The following COL6A5 variants were observed in gnomAD, a reference collection of about 807,000 sequenced individuals.
The protein encoded by COL6A5 is collagen type VI alpha 5 chain.
A neutral mutation model predicts 65.6 loss-of-function variants in COL6A5; 48 were observed. The ratio of observed to expected loss-of-function variants is 0.73; its 90% CI spans 0.58 to 0.93. The LOEUF (loss-of-function observed/expected upper bound fraction) is 0.93. COL6A5 is among the 40% of genes least tolerant of loss of function. The pLI, the probability that COL6A5 is intolerant of heterozygous loss-of-function variation, is 0.00. For missense variants in COL6A5, 914 were observed against 928.3 expected, an observed-to-expected ratio of 0.98 and a Z score of 0.20; for synonymous variants, 291 against 322.8, an observed-to-expected ratio of 0.90 and a Z score of 1.05.
intron 10 of COL6A5, among the ~76,000 whole-genome samples, chr3:130,400,735 G>A (rs1263669098): frequency 6.6e-6 from 1 of 152,228 alleles, no homozygotes; most frequent in Non-Finnish European, 1.5e-5. Context: ...GTGGTAAGAT[G>A]TGGAACACAG....
At position 130,414,197 on chromosome 3, in the gene COL6A5, G is replaced by A. The variant is rs571468467; in HGVS notation, c.4761+66G>A. 1.3e-4 allele frequency: 163 copies of A among 1,216,864 alleles called. No individual in the cohort carries two copies. The African/African-American group carries it at 2.3e-3, about 17-fold the overall frequency. 75.4% of individuals were successfully genotyped at this position (1,216,864 alleles called of 1,614,324 possible). A position where few individuals can be genotyped will look rare whatever the true frequency, so the allele number is the denominator to read the frequency against. The stretch of plus-strand genomic sequence containing the variant: ...AGTTATTCTGATGGGAAGAAGGCAG[G>A]TATTTCTGTATAAAAATAAATAACT... On this transcript the variant is annotated intron_variant and NMD_transcript_variant, in intron 22 of 41. Transcript: ENST00000312481.
intron 5 of COL6A5, among the ~76,000 whole-genome samples, chr3:130,462,447 T>C (rs1256925094): frequency 6.6e-6 from 1 of 152,150 alleles, no homozygotes; most frequent in African/African-American, 2.4e-5. Context: ...TAATATACTG[T>C]CATGGGAAGG....
intron 7 of COL6A5, 110 bp downstream of exon 39, chr3:130,471,077 TGTG>T (rs1559920399): frequency 3.8e-5 from 24 of 639,682 alleles, no homozygotes; most frequent in African/African-American, 3.5e-4. Context: ...TGTGTTTTTG[TGTG>T]TGTGTGTGTG....
At chr3:130,426,794 A>G (rs1216663537), upstream of COL6A5, among the ~76,000 whole-genome samples, 5 of 151,896 alleles carry the variant, frequency 3.3e-5, no homozygotes, top group African/African-American at 4.8e-5. Context: ...GGATGTTTGC[A>G]TGGGGGTAAC....
intron 1 of COL6A5, among the ~76,000 whole-genome samples, chr3:130,354,950 G>A (rs1240642140): frequency 6.6e-6 from 1 of 152,020 alleles, no homozygotes; most frequent in East Asian, 1.9e-4. Context: ...TATTAATAAA[G>A]TAAAATATCT....
chr3:130,410,868 T>C (rs1937153223), intron 20 of COL6A5, among the ~76,000 whole-genome samples: 1 of 152,200 alleles, frequency 6.6e-6, no homozygotes, highest in South Asian at 2.1e-4. Flanking sequence ...TCACCCCTGG[T>C]TGAAACGACT....
chr3:130,349,793 C>A (rs984666399), intron 1 of COL6A5, among the ~76,000 whole-genome samples: 2 of 152,166 alleles, frequency 1.3e-5, no homozygotes, highest in African/African-American at 4.8e-5. Context: ...GACTCAAAAA[C>A]AGTGGCTTAA....
exon 8 of COL6A5, chr3:130,484,322 T>C: frequency 2.0e-6 from 1 of 492,640 alleles, no homozygotes; most frequent in Non-Finnish European, 3.5e-6. Flanking sequence ...AGAGTTAACT[T>C]TTCTTTGAAA....
chr3:130,443,018 T>C (rs929205068), intron 3 of COL6A5, among the ~76,000 whole-genome samples: 1 of 152,188 alleles, frequency 6.6e-6, no homozygotes, highest in Non-Finnish European at 1.5e-5. Context: ...TAAAATCTTG[T>C]CTATGATTCT....
chr3:130,405,470 T>C, intron 13 of COL6A5, 118 bp from the exon 14 acceptor site: 1 of 615,646 alleles, frequency 1.6e-6, no homozygotes, highest in Non-Finnish European at 2.9e-6. Flanking sequence ...TGAAGAGGAT[T>C]CACTTTTTCT....
chr3:130,350,691 C>T (rs1934669972), intron 1 of COL6A5, among the ~76,000 whole-genome samples: 1 of 152,168 alleles, frequency 6.6e-6, no homozygotes, highest in Admixed American at 6.5e-5. Context: ...ACATTCCATG[C>T]TCATGGATAG....
intron 1 of COL6A5, among the ~76,000 whole-genome samples, chr3:130,356,194 A>G (rs1459892993): frequency 6.6e-6 from 1 of 152,194 alleles, no homozygotes; most frequent in East Asian, 1.9e-4. Context: ...ATCATGGTAA[A>G]CAAGTTATGA....
intron 1 of COL6A5, among the ~76,000 whole-genome samples, chr3:130,351,902 C>T (rs1934729551): frequency 6.6e-6 from 1 of 152,138 alleles, no homozygotes. Flanking sequence ...GACTTGGAAC[C>T]AACCCAAATG....
chr3:130,421,758 A>G lies in COL6A5; in HGVS notation c.5037+398A>G, dbSNP rs1311326413. Among the ~76,000 whole-genome samples the G allele has an allele frequency of 1.8e-4, 27 of 152,044 alleles. 1 individual carries two copies. The highest frequency in any genetic ancestry group is 1.8e-3 in the Admixed American group (27 of 15,252). On this transcript the variant is annotated intron_variant and NMD_transcript_variant, in intron 27 of 41. Coordinates refer to the COL6A5 transcript ENST00000312481. ...TCCTTCTAATTGGGTTCCTCCTTCCATCTTTTCCCTGATTCAGTTAATTCC... is the reference window on the plus strand; with the variant it reads ...TCCTTCTAATTGGGTTCCTCCTTCCGTCTTTTCCCTGATTCAGTTAATTCC...
chr3:130,429,024 A>G (rs924381397), upstream of COL6A5, among the ~76,000 whole-genome samples: 5 of 152,158 alleles, frequency 3.3e-5, no homozygotes, highest in African/African-American at 1.2e-4. Context: ...TGCTCAGGAG[A>G]AACGCTTGGG....
At chr3:130,441,226 A>G (rs932427329) in intron 3 of COL6A5, among the ~76,000 whole-genome samples, 2 of 152,156 alleles carry the variant, frequency 1.3e-5, no homozygotes, top group African/African-American at 2.4e-5. Context: ...GAGGATGTGA[A>G]GATAGCAAAG....
intron 8 of COL6A5, 46 bp downstream of exon 8, chr3:130,395,511 C>T: frequency 2.1e-6 from 3 of 1,404,042 alleles, no homozygotes; most frequent in Non-Finnish European, 1.9e-6. Context: ...CTTCTCATTT[C>T]TCCATTTCCC....
intron 5 of COL6A5, among the ~76,000 whole-genome samples, chr3:130,468,251 T>G (rs1176390623): frequency 6.6e-6 from 1 of 152,040 alleles, no homozygotes; most frequent in East Asian, 1.9e-4. Flanking sequence ...GTTCTTAGAG[T>G]ATGTCATATC....
chr3:130,360,921 A>G (rs1044855796), intron 1 of COL6A5, among the ~76,000 whole-genome samples: 4 of 152,038 alleles, frequency 2.6e-5, no homozygotes, highest in Non-Finnish European at 5.9e-5. Context: ...ATAATCCCAA[A>G]AAGTCTCTCG....
Sources: gnomAD v4.1 joint callset for allele counts (sites outside exome capture counted in the v4.1 genomes callset) on GRCh38, gnomAD v4.1.1 for gene constraint, MANE v1.5 for transcripts, NCBI Gene and HGNC (gene_info 2026-07-23, HGNC 2026-07-21) for gene names.